The following DNAJB4 variants were observed in gnomAD, a reference collection of about 807,000 sequenced individuals.
The protein encoded by DNAJB4 is DnaJ heat shock protein family (Hsp40) member B4.
DNAJB4 carries 10 observed loss-of-function variants against 26.6 expected under a neutral mutation model. The observed-to-expected ratio is 0.38, with a 90% CI of 0.23 to 0.64. DNAJB4 has a LOEUF of 0.64. Ranked by LOEUF, DNAJB4 falls within the 30% of genes least tolerant of loss-of-function variation. The pLI, the probability that DNAJB4 is intolerant of heterozygous loss-of-function variation, is 0.58. For synonymous variants in DNAJB4, 136 were observed against 134.8 expected, an observed-to-expected ratio of 1.01 and a Z score of -0.06; for missense variants, 328 against 408.2, an observed-to-expected ratio of 0.80 and a Z score of 1.69.
intron 1 of DNAJB4, among the ~76,000 whole-genome samples, chr1:77,993,317 A>AT (rs546825757): frequency 2.0e-5 from 3 of 151,176 alleles, no homozygotes; most frequent in South Asian, 2.1e-4. Context: ...TTTTTCTTTT[A>AT]TTTTTTTTCT....
At chr1:77,979,332 T>C, upstream of DNAJB4, 1 of 296,458 alleles carries the variant, frequency 3.4e-6, no homozygotes. Flanking sequence ...TGGTGGGTGA[T>C]AGTGGCCAGT....
chr1:77,989,436 A>G (rs150456506), intron 1 of DNAJB4, among the ~76,000 whole-genome samples: 33 of 152,184 alleles, frequency 2.2e-4, no homozygotes, highest in African/African-American at 7.7e-4. Context: ...AAATATTTAA[A>G]TTTACCATTT....
At chr1:78,012,116 T>C (rs1001717041) in intron 1 of DNAJB4, among the ~76,000 whole-genome samples, 1 of 21,654 alleles carries the variant, frequency 4.6e-5, no homozygotes, top group African/African-American at 2.8e-4. Context: ...AGATCAGTAG[T>C]TTATAAGGAG....
intron 1 of DNAJB4, 144 bp from the exon 2 acceptor site, chr1:78,012,907 C>T (rs915560812): frequency 1.7e-6 from 1 of 597,366 alleles, no homozygotes; most frequent in Non-Finnish European, 2.8e-6. Flanking sequence ...TATAGCTGTT[C>T]TGTATTTAGT....
chr1:77,982,875 C>G (rs1230453688), intron 1 of DNAJB4, among the ~76,000 whole-genome samples: 1 of 152,204 alleles, frequency 6.6e-6, no homozygotes, highest in African/African-American at 2.4e-5. Flanking sequence ...TATGTGAATC[C>G]GTAAAAGCTT....
At chr1:78,007,786 G>T (rs1213944360) in intron 1 of DNAJB4, among the ~76,000 whole-genome samples, 1 of 152,138 alleles carries the variant, frequency 6.6e-6, no homozygotes, top group Admixed American at 6.5e-5. Context: ...TTTATCTCCA[G>T]ACGTGGTTCC....
intron 1 of DNAJB4, among the ~76,000 whole-genome samples, chr1:77,991,065 T>TAAA (rs889641704): frequency 1.5e-4 from 23 of 152,252 alleles, no homozygotes; most frequent in African/African-American, 5.3e-4. Flanking sequence ...AACCCAAGTT[T>TAAA]GGGCTTCACA....
chr1:78,000,745 A>T (rs1038492359), upstream of DNAJB4, among the ~76,000 whole-genome samples: 3 of 152,080 alleles, frequency 2.0e-5, no homozygotes, highest in Non-Finnish European at 2.9e-5. Context: ...GCACTTTGGG[A>T]GGCCAAGGCG....
At chr1:78,007,223 C>CT (rs1289662406) in intron 1 of DNAJB4, among the ~76,000 whole-genome samples, 1 of 151,272 alleles carries the variant, frequency 6.6e-6, no homozygotes, top group Admixed American at 6.6e-5. Flanking sequence ...GAGAGAATGC[C>CT]TTTTTTAAAA....
rs5775435 is a variant in DNAJB4 at position 77,994,583 on chromosome 1, C to CT, written c.-31-10482dup. ...GTGTACTCCTTAAACTACTCTCTCT[C>CT]TTTTTTTTTTTTTTTAACTACTCTC... On this transcript the variant is annotated intron_variant, in intron 1 of 2. Transcript: ENST00000426517. 1.2e-3 allele frequency among the ~76,000 whole-genome samples: 173 copies of CT among 142,124 alleles called. 5 individuals are homozygous for CT. In the South Asian group the frequency reaches 0.029, roughly 24 times the overall value. The allele number at this position is 142,124 out of a possible 152,430, so 93.2% of individuals were successfully genotyped here.
upstream of DNAJB4, chr1:77,979,220 C>G (rs1267923190): frequency 1.7e-5 from 9 of 541,202 alleles, no homozygotes; most frequent in Middle Eastern, 9.8e-4. Context: ...GGAACAGAGA[C>G]GTCGCGAGGA....
At chr1:78,007,514 G>A (rs1660359337) in intron 1 of DNAJB4, among the ~76,000 whole-genome samples, 1 of 152,164 alleles carries the variant, frequency 6.6e-6, no homozygotes, top group African/African-American at 2.4e-5. Flanking sequence ...CCAAGAGGCA[G>A]AGGTTGCAGT....
At position 78,016,112 on chromosome 1, in the gene DNAJB4, T is replaced by A. The variant is rs751235207; in HGVS notation, c.879T>A (p.Ile293=). The A allele has an allele frequency of 9.3e-6, 15 of 1,613,992 alleles. No homozygotes were observed. The highest frequency in any genetic ancestry group is 1.3e-5 in the Non-Finnish European group (15 of 1,180,020). The change falls in exon 3 of 3, where the codon ATT becomes ATA. Residue 293 remains isoleucine (I), a synonymous_variant. Transcript: ENST00000370763. ...TGAAACCCGGAATGAGGAGAAGAAT[T>A]ATTGGATATGGGCTGCCATTTCCAA... is the stretch of plus-strand genomic sequence containing the variant. ...DIVKPGMRRR[I]IGYGLPFPKN... is the part of the protein sequence containing the mutation.
intron 1 of DNAJB4, among the ~76,000 whole-genome samples, chr1:77,996,956 G>A (rs563873959): frequency 5.9e-5 from 9 of 152,316 alleles, no homozygotes; most frequent in African/African-American, 2.2e-4. Flanking sequence ...AGAGTAGCCA[G>A]AACCACAGGC....
chr1:78,011,059 C>A (rs6702465), intron 1 of DNAJB4, among the ~76,000 whole-genome samples: 125,635 of 152,140 alleles, frequency 0.83, 51,989 homozygotes, highest in Middle Eastern at 0.88. Flanking sequence ...TTTTTAGATT[C>A]TTTTCCTGCT....
At chr1:78,015,550 C>CTTTTTTTTTTTTTTTTTTTCTTT (rs766899519) in intron 2 of DNAJB4, among the ~76,000 whole-genome samples, 1 of 57,810 alleles carries the variant, frequency 1.7e-5, no homozygotes, top group Non-Finnish European at 3.8e-5. Context: ...TTTCTTTCTT[C>CTTTTTTTTTTTTTTTTTTTCTTT]TTTTTTTTTT....
At chr1:78,006,095 T>C (rs537131675) in intron 1 of DNAJB4, among the ~76,000 whole-genome samples, 2 of 152,372 alleles carry the variant, frequency 1.3e-5, no homozygotes, top group Non-Finnish European at 1.5e-5. Flanking sequence ...AATTTTACTA[T>C]CTAGGTATAG....
intron 1 of DNAJB4, among the ~76,000 whole-genome samples, chr1:77,989,967 ATC>A (rs1659893600): frequency 6.6e-6 from 1 of 152,324 alleles, no homozygotes; most frequent in South Asian, 2.1e-4. Context: ...TCTCTCTTAC[ATC>A]TCATTGGCTA....
At chr1:78,006,569 A>G (rs189169120) in intron 1 of DNAJB4, among the ~76,000 whole-genome samples, 93 of 152,276 alleles carry the variant, frequency 6.1e-4, no homozygotes, top group African/African-American at 2.2e-3. Context: ...TTGTATATAG[A>G]GGGTTTTTTC....
Sources: allele counts gnomAD v4.1 joint callset (sites outside exome capture counted in the v4.1 genomes callset), GRCh38; gene constraint gnomAD v4.1.1; transcripts MANE v1.5; gene names NCBI Gene and HGNC (gene_info 2026-07-23, HGNC 2026-07-21).